The following PCDHA7 variants were observed in gnomAD, a reference collection of about 807,000 sequenced individuals.
PCDHA7 encodes the protein protocadherin alpha-7.
A neutral mutation model predicts 57.2 loss-of-function variants in PCDHA7; 37 were observed. The observed-to-expected ratio is 0.65, with a 90% confidence interval of 0.50 to 0.85. The LOEUF (loss-of-function observed/expected upper bound fraction) is 0.85, where lower values mean the gene tolerates loss of function less well. Ranked by LOEUF, PCDHA7 falls within the 40% of genes least tolerant of loss-of-function variation. The probability of loss-of-function intolerance (pLI) is 0.00; values close to 1 mark genes in which losing one functional copy is unlikely to be tolerated. For missense variants in PCDHA7, 1,188 were observed against 1,241.8 expected, an observed-to-expected ratio of 0.96 and a Z score of 0.65; for synonymous variants, 553 against 558.8, an observed-to-expected ratio of 0.99 and a Z score of 0.15.
In PCDHA7 at chr5:140,965,644, G is replaced by C. The variant is rs201197561; in HGVS notation, c.2356-13305G>C. On this transcript the variant is annotated intron_variant, in intron 1 of 3. Transcript: ENST00000525929. Reference sequence around the variant, plus strand: ...AAAGAAAAAATTTTAAATTACTCTTGAAAGAAAATGTCTTGGGTGATAAAT... The same window carrying C: ...AAAGAAAAAATTTTAAATTACTCTTCAAAGAAAATGTCTTGGGTGATAAAT... Among the ~76,000 whole-genome samples, 13 of 152,146 alleles carry C rather than the reference G, an allele frequency of 8.5e-5. No individual in the cohort carries two copies. The East Asian group carries it at 2.5e-3, about 29-fold the overall frequency.
Position 140,836,080 on chromosome 5 carries a change from T to G in PCDHA7, c.1697T>G (p.Leu566Arg). 1 of 1,613,702 alleles carries G rather than the reference T, an allele frequency of 6.2e-7. No homozygotes were observed. Among genetic ancestry groups the G allele is most frequent in the South Asian group, 1.1e-5 (1 of 91,072 alleles). Residue 566 changes from leucine (L) to arginine (R), a missense_variant, in exon 1 of 4, where the codon CTG (leucine) becomes CGG (arginine). Physicochemically the swap from Leu to Arg is moderately radical, Grantham distance 102 (BLOSUM62 -2). Coordinates refer to ENST00000525929, the MANE Select transcript of PCDHA7 (RefSeq NM_018910.3). ...GAGAACGACAACGCGCCGGCACTGC[T>G]GGCGCCTCGGGTGGGTGGCACTGGT... is the stretch of plus-strand genomic sequence containing the variant. ...LDENDNAPAL[L>R]APRVGGTGGA...
At chr5:140,929,319 T>C in intron 1 of PCDHA7, 1 of 1,545,486 alleles carries the variant, frequency 6.5e-7, no homozygotes, top group Non-Finnish European at 8.7e-7. Flanking sequence ...CTAATGTCAA[T>C]GCCATGGTAA....
chr5:140,869,340 G>A (rs1554162920), intron 1 of PCDHA7: 4 of 1,614,018 alleles, frequency 2.5e-6, no homozygotes, highest in Non-Finnish European at 3.4e-6. Flanking sequence ...AGGTAAATCT[G>A]CAGAATGGCA....
intron 1 of PCDHA7, among the ~76,000 whole-genome samples, chr5:140,840,943 A>G (rs1442704094): frequency 1.3e-5 from 2 of 152,054 alleles, no homozygotes; most frequent in Non-Finnish European, 2.9e-5. Flanking sequence ...TATTTGAAAT[A>G]TTGGGAAGAA....
chr5:140,982,380 C>G, intron 2 of PCDHA7, 95 bp from the exon 3 acceptor site: 1 of 1,577,206 alleles, frequency 6.3e-7, no homozygotes, highest in Non-Finnish European at 8.6e-7. Flanking sequence ...AGCTGCAGCC[C>G]TGGCTTCATA....
intron 1 of PCDHA7, among the ~76,000 whole-genome samples, chr5:140,932,345 C>G (rs1332373274): frequency 6.6e-6 from 1 of 151,820 alleles, no homozygotes; most frequent in African/African-American, 2.4e-5. Context: ...AAACACTTAC[C>G]ATACAACTGG....
chr5:140,870,344 G>A (rs782661960), intron 1 of PCDHA7: 1 of 1,614,196 alleles, frequency 6.2e-7, no homozygotes, highest in Admixed American at 1.7e-5. Flanking sequence ...GCCCTGGACC[G>A]CGAGAACGTG....
chr5:140,922,581 C>T (rs893700923), intron 1 of PCDHA7, among the ~76,000 whole-genome samples: 2 of 152,104 alleles, frequency 1.3e-5, no homozygotes, highest in Non-Finnish European at 2.9e-5. Context: ...GCCCTGTAGC[C>T]GCCAGTTCTC....
intron 2 of PCDHA7, among the ~76,000 whole-genome samples, chr5:140,979,404 C>T (rs2096848893): frequency 6.6e-6 from 1 of 151,980 alleles, no homozygotes; most frequent in Non-Finnish European, 1.5e-5. Context: ...ATGTTGTCTA[C>T]CTTGTTTTTT....
chr5:140,876,118 G>A (rs2153337008), intron 1 of PCDHA7: 1 of 1,613,926 alleles, frequency 6.2e-7, no homozygotes, highest in South Asian at 1.1e-5. Flanking sequence ...GATGGTAATC[G>A]ATGGCGGTAA....
At chr5:140,965,639 C>G (rs781995485) in intron 1 of PCDHA7, among the ~76,000 whole-genome samples, 1 of 152,000 alleles carries the variant, frequency 6.6e-6, no homozygotes, top group Non-Finnish European at 1.5e-5. Flanking sequence ...TTTTAAATTA[C>G]TCTTGAAAGA....
chr5:140,965,216 A>G (rs2095880887), intron 1 of PCDHA7, among the ~76,000 whole-genome samples: 1 of 152,224 alleles, frequency 6.6e-6, no homozygotes, highest in Non-Finnish European at 1.5e-5. Context: ...TTCCTGTGGA[A>G]GAAATGTGAG....
At chr5:140,870,491 T>C (rs781889223) in intron 1 of PCDHA7, 10 of 1,614,076 alleles carry the variant, frequency 6.2e-6, no homozygotes, top group Non-Finnish European at 8.5e-6. Context: ...ACCGTGTTCG[T>C]GAAGGAGAAC....
intron 3 of PCDHA7, among the ~76,000 whole-genome samples, chr5:140,983,234 G>C (rs1021819523): frequency 6.6e-6 from 1 of 152,196 alleles, no homozygotes; most frequent in Non-Finnish European, 1.5e-5. Context: ...TTTCAGGAAA[G>C]AGAACCTGCT....
At chr5:140,864,250 T>G (rs2048388075) in intron 1 of PCDHA7, 1 of 152,242 alleles carries the variant, frequency 6.6e-6, no homozygotes, top group Non-Finnish European at 1.5e-5. Flanking sequence ...ATTCATTTTC[T>G]TATTCTGATT....
At chr5:141,001,794 T>C (rs2098037139) in intron 3 of PCDHA7, among the ~76,000 whole-genome samples, 1 of 152,184 alleles carries the variant, frequency 6.6e-6, no homozygotes, top group Non-Finnish European at 1.5e-5. Flanking sequence ...CCTGAGTATA[T>C]ACTATCATTC....
At chr5:140,837,494 T>C (rs2150275990) in intron 1 of PCDHA7, among the ~76,000 whole-genome samples, 2,176 of 141,154 alleles carry the variant, frequency 0.015, 60 homozygotes, top group African/African-American at 0.056. Flanking sequence ...ACTTTACCTT[T>C]CTGAATTTCT....
Position 140,835,716 on chromosome 5 carries a change from G to A in PCDHA7, c.1333G>A (p.Val445Met). The change falls in exon 1 of 4, where the codon GTG becomes ATG. Residue 445 changes from valine (V) to methionine (M), a missense_variant. Val to Met is a conservative substitution (Grantham distance 21). This residue lies in a region of PCDHA7 where 892 missense variants were observed against 788.5 expected (regional missense o/e 1.13). Transcript: ENST00000525929. ...GGCCACTGCTAGCGTGTCCGTGGAG[G>A]TGGCCGACGTGAACGACAACGCCCC... ...LWATASVSVE[V>M]ADVNDNAPAF... 1 of 1,613,908 alleles carries A rather than the reference G, an allele frequency of 6.2e-7. No individual in the cohort carries two copies. The highest frequency in any genetic ancestry group is 8.5e-7 in the Non-Finnish European group (1 of 1,179,886).
At chr5:140,922,023 T>C (rs1333266712) in intron 1 of PCDHA7, among the ~76,000 whole-genome samples, 3 of 152,086 alleles carry the variant, frequency 2.0e-5, no homozygotes, top group African/African-American at 7.2e-5. Context: ...AAAATAAATA[T>C]AAAAAATGTA....
Sources: allele counts gnomAD v4.1 joint callset (sites outside exome capture counted in the v4.1 genomes callset), GRCh38; gene constraint gnomAD v4.1.1; regional missense constraint gnomAD v4.1.1; transcripts MANE v1.5; gene names NCBI Gene and HGNC (gene_info 2026-07-23, HGNC 2026-07-21).